The following INO80 variants were observed in gnomAD, a reference collection of about 807,000 sequenced individuals.
INO80 encodes the protein chromatin-remodeling ATPase INO80.
In INO80, 20 loss-of-function variants were observed where a neutral mutation model predicts 203.4. The ratio of observed to expected loss-of-function variants is 0.10; its 90% CI spans 0.07 to 0.14. INO80 has a LOEUF of 0.14. Among genes scored for constraint, INO80 ranks in the 10% least tolerant of loss-of-function variants. INO80 has a pLI of 1.00. For synonymous variants in INO80, 726 were observed against 685.2 expected (o/e 1.06, Z -0.93); for missense variants, 1,419 against 1,914.4 (o/e 0.74, Z 4.83).
intron 9 of INO80, among the ~76,000 whole-genome samples, chr15:41,079,175 G>A (rs768251927): frequency 1.3e-5 from 2 of 151,982 alleles, no homozygotes; most frequent in Non-Finnish European, 2.9e-5. Flanking sequence ...AGTAGGTGAA[G>A]GGTAAGTCTT....
At chr15:41,079,115 C>T (rs1161258667) in intron 9 of INO80, among the ~76,000 whole-genome samples, 1 of 151,914 alleles carries the variant, frequency 6.6e-6, no homozygotes, top group Non-Finnish European at 1.5e-5. Context: ...CCAGCCTGGG[C>T]GACAAGAGTG....
At chr15:41,012,555 T>C (rs2044146558) in intron 27 of INO80, among the ~76,000 whole-genome samples, 1 of 1,182 alleles carries the variant, frequency 8.5e-4, no homozygotes, top group Admixed American at 0.014. Flanking sequence ...AGAGCGAGAC[T>C]CTTTTTAAAA....
chr15:41,097,391 A>C (rs969352370), intron 1 of INO80, among the ~76,000 whole-genome samples: 1 of 152,200 alleles, frequency 6.6e-6, no homozygotes, highest in African/African-American at 2.4e-5. Flanking sequence ...ATACCTGGTT[A>C]TCTCTAAATA....
At chr15:40,997,860 A>T (rs1014202237) in intron 28 of INO80, 8 of 379,426 alleles carry the variant, frequency 2.1e-5, no homozygotes, top group African/African-American at 1.6e-4. Context: ...ACACAAGTAT[A>T]AACATGTAGC....
chr15:41,073,315 G>C (rs1201525221), intron 11 of INO80, 113 bp downstream of exon 11: 1 of 896,888 alleles, frequency 1.1e-6, no homozygotes, highest in African/African-American at 1.6e-5. Context: ...ACACAAGCTA[G>C]TCTATGCTTT....
At chr15:41,086,179 A>T (rs1052862823) in intron 6 of INO80, among the ~76,000 whole-genome samples, 3 of 152,192 alleles carry the variant, frequency 2.0e-5, no homozygotes, top group Non-Finnish European at 4.4e-5. Context: ...TATAAGGTGG[A>T]TAAAGAAAAA....
chr15:41,095,508 C>CT, intron 4 of INO80, 93 bp downstream of exon 4: 2 of 868,872 alleles, frequency 2.3e-6, no homozygotes, highest in South Asian at 3.1e-5. Context: ...TTGAAAAACT[C>CT]TGTCAATCTG....
intron 24 of INO80, among the ~76,000 whole-genome samples, chr15:41,028,686 G>C (rs1348126706): frequency 6.6e-6 from 1 of 152,132 alleles, no homozygotes; most frequent in East Asian, 1.9e-4. Flanking sequence ...GCGAAACTCT[G>C]TCTCTACTAA....
At chr15:41,087,728 C>T (rs1232891264) in intron 5 of INO80, 46 bp from the exon 6 acceptor site, 2 of 1,560,234 alleles carry the variant, frequency 1.3e-6, no homozygotes, top group South Asian at 1.2e-5. Flanking sequence ...TATAGTACAG[C>T]TTTCAAATTA....
chr15:40,980,026 A>G lies in INO80; in HGVS notation c.*197T>C, dbSNP rs1893757879. 1 of 595,704 alleles carries G rather than the reference A, an allele frequency of 1.7e-6. No homozygotes were observed. Among genetic ancestry groups the G allele is most frequent in the Non-Finnish European group, 3.0e-6 (1 of 334,518 alleles). 36.9% of individuals were successfully genotyped at this position (595,704 alleles called of 1,614,324 possible). On this transcript the variant is annotated 3_prime_UTR_variant, in exon 36 of 36. Coordinates refer to ENST00000648947, the MANE Select transcript of INO80 (RefSeq NM_017553.3). ...CCATGCCCTGTGGCCTTCCTCCTACAGGCACCCCAGATGCTCCTGATGAGA... is the reference window on the plus strand; with the variant it reads ...CCATGCCCTGTGGCCTTCCTCCTACGGGCACCCCAGATGCTCCTGATGAGA...
chr15:41,072,933 G>A (rs1225804122), intron 11 of INO80, among the ~76,000 whole-genome samples: 4 of 151,494 alleles, frequency 2.6e-5, no homozygotes, highest in African/African-American at 4.8e-5. Context: ...AGCGCCCTCC[G>A]CCACCCCCGG....
chr15:41,081,538 T>C (rs1372110799), intron 7 of INO80, among the ~76,000 whole-genome samples: 1 of 152,204 alleles, frequency 6.6e-6, no homozygotes, highest in Non-Finnish European at 1.5e-5. Flanking sequence ...GATGTCACTA[T>C]TACTCAGTTT....
intron 25 of INO80, among the ~76,000 whole-genome samples, chr15:41,027,230 C>A (rs753935221): frequency 2.0e-5 from 3 of 152,154 alleles, no homozygotes; most frequent in African/African-American, 7.2e-5. Flanking sequence ...ATCTGACGCC[C>A]TCTCATGAAA....
chr15:41,104,300 T>A (rs988018306), intron 1 of INO80, among the ~76,000 whole-genome samples: 1 of 151,944 alleles, frequency 6.6e-6, no homozygotes, highest in Non-Finnish European at 1.5e-5. Context: ...AAAGAACTAT[T>A]CAATATGTTT....
At chr15:41,097,472 C>G (rs1266118339) in intron 1 of INO80, among the ~76,000 whole-genome samples, 4 of 152,142 alleles carry the variant, frequency 2.6e-5, no homozygotes, top group East Asian at 1.9e-4. Context: ...GACATAAATA[C>G]TCAATAAACC....
chr15:41,005,569 T>A (rs776119047), intron 28 of INO80, 24 bp downstream of exon 28: 1 of 1,331,942 alleles, frequency 7.5e-7, no homozygotes, highest in Non-Finnish European at 1.1e-6. Context: ...AAAAGATAAT[T>A]TTTGTAATTC....
At chr15:41,062,088 G>GA (rs2045121645) in intron 14 of INO80, among the ~76,000 whole-genome samples, 2 of 151,966 alleles carry the variant, frequency 1.3e-5, no homozygotes, top group Non-Finnish European at 1.5e-5. Flanking sequence ...TATACAATAT[G>GA]AAAAAATCTA....
rs1005075213 is a variant in INO80 at position 41,044,934 on chromosome 15, A to G, written c.2877T>C (p.Phe959=). ...FLLGVNFPLS[F]PNLCSCPLLK... ...ACAAAGGGCAGCTGCAAAGGTTTGG[A>G]AAGGAGAGTGGAAAATTAACCCCAA... The change falls in exon 24 of 36, where the codon TTT becomes TTC. Residue 959 remains phenylalanine (F), a synonymous_variant. Transcript: ENST00000648947. The G allele has an allele frequency of 3.1e-6, 5 of 1,612,826 alleles. No homozygotes were observed. The Admixed American group carries it at 5.0e-5, about 16-fold the overall frequency.
chr15:41,095,727 T>C lies in INO80; in HGVS notation c.313+32A>G, dbSNP rs377421666. ...AAGGATGACTGCCCCAAGATAACGA[T>C]AGTCCAAAGGGGGATGTCACACCAC... is the stretch of plus-strand genomic sequence containing the variant. On this transcript the variant is annotated intron_variant, in intron 3 of 35. Coordinates refer to ENST00000648947, the MANE Select transcript of INO80 (RefSeq NM_017553.3). 1.9e-5 allele frequency: 30 copies of C among 1,611,794 alleles called. No individual in the cohort carries two copies. In the African/African-American group the frequency reaches 2.3e-4, roughly 12 times the overall value.
Sources: allele counts gnomAD v4.1 joint callset (sites outside exome capture counted in the v4.1 genomes callset), GRCh38; gene constraint gnomAD v4.1.1; transcripts MANE v1.5; gene names NCBI Gene and HGNC (gene_info 2026-07-23, HGNC 2026-07-21).